The following L3MBTL4 variants were observed in gnomAD, a reference collection of about 807,000 sequenced individuals.
L3MBTL4 encodes the protein L3MBTL histone methyl-lysine binding protein 4.
A neutral mutation model predicts 84.5 loss-of-function variants in L3MBTL4; 70 were observed. The ratio of observed to expected loss-of-function variants is 0.83; its 90% confidence interval spans 0.68 to 1.01. The LOEUF (loss-of-function observed/expected upper bound fraction) is 1.01. L3MBTL4 is among the 50% of genes least tolerant of loss of function. The probability of loss-of-function intolerance (pLI) is 0.00; values close to 1 mark genes in which losing one functional copy is unlikely to be tolerated. For missense variants in L3MBTL4, 715 were observed against 754.8 expected (o/e 0.95, Z 0.62); for synonymous variants, 274 against 259.8 (o/e 1.05, Z -0.52).
At chr18:5,965,246 A>C (rs1017602316) in intron 17 of L3MBTL4, among the ~76,000 whole-genome samples, 1 of 152,194 alleles carries the variant, frequency 6.6e-6, no homozygotes, top group East Asian at 1.9e-4. Context: ...GTAACAAAGG[A>C]GTTAAGAGGC....
At chr18:6,269,879 G>A (rs1271942308) in intron 4 of L3MBTL4, among the ~76,000 whole-genome samples, 1 of 152,186 alleles carries the variant, frequency 6.6e-6, no homozygotes, top group African/African-American at 2.4e-5. Flanking sequence ...GTACTTATCA[G>A]TAATTTTATG....
intron 1 of L3MBTL4, among the ~76,000 whole-genome samples, chr18:6,352,157 C>T (rs2053229976): frequency 6.6e-6 from 1 of 152,134 alleles, no homozygotes; most frequent in Non-Finnish European, 1.5e-5. Context: ...AATGTGGTCA[C>T]TCTCAGCATT....
At chr18:6,041,734 T>TA (rs1224263548) in intron 16 of L3MBTL4, among the ~76,000 whole-genome samples, 2 of 152,138 alleles carry the variant, frequency 1.3e-5, no homozygotes, top group Admixed American at 1.3e-4. Flanking sequence ...ATTCTTCTTT[T>TA]ATTTTTTTTA....
chr18:6,018,609 A>C (rs998119809), intron 16 of L3MBTL4, among the ~76,000 whole-genome samples: 1 of 152,166 alleles, frequency 6.6e-6, no homozygotes, highest in African/African-American at 2.4e-5. Context: ...ATGTTCTAAA[A>C]CAGGGAAAGA....
At chr18:6,123,884 ATGACAG>A (rs1351306326) in intron 14 of L3MBTL4, among the ~76,000 whole-genome samples, 8 of 152,196 alleles carry the variant, frequency 5.3e-5, no homozygotes, top group African/African-American at 1.9e-4. Context: ...AAGTGACGAA[ATGACAG>A]TTTCCATTCC....
intron 1 of L3MBTL4, among the ~76,000 whole-genome samples, chr18:6,312,499 A>C (rs139065445): frequency 8.1e-4 from 123 of 152,200 alleles, no homozygotes; most frequent in African/African-American, 2.6e-3. Context: ...ATTTGCCCAG[A>C]GCTTCCTCTT....
chr18:6,303,759 G>A (rs923016902), intron 3 of L3MBTL4, among the ~76,000 whole-genome samples: 1 of 151,970 alleles, frequency 6.6e-6, no homozygotes, highest in African/African-American at 2.4e-5. Flanking sequence ...CTAAAAAATA[G>A]ACTGCACATT....
At chr18:5,994,060 C>T (rs1442771169) in intron 16 of L3MBTL4, among the ~76,000 whole-genome samples, 3 of 152,136 alleles carry the variant, frequency 2.0e-5, no homozygotes, top group Admixed American at 6.5e-5. Flanking sequence ...TGGTTCATGC[C>T]CCTTTCTCTT....
Position 6,322,456 on chromosome 18 carries a change from TGGAAGGAA to T in L3MBTL4, c.-90-10408_-90-10401del, listed in dbSNP as rs199942673. Among the ~76,000 whole-genome samples, 912 of 102,552 alleles carry T rather than the reference TGGAAGGAA, an allele frequency of 8.9e-3. 1 individual carries two copies. The highest frequency in any genetic ancestry group is 0.029 in the South Asian group (72 of 2,510). The allele number at this position is 102,552 out of a possible 152,430, so 67.3% of individuals were successfully genotyped here. Reference sequence around the variant, plus strand: ...GAGGGAGGAAGGAAAGAAGGAAGGATGGAAGGAAGGAAGGAAGGAAGGAAGGAAGGAAG... The same window carrying T: ...GAGGGAGGAAGGAAAGAAGGAAGGATGGAAGGAAGGAAGGAAGGAAGGAAG... On this transcript the variant is annotated intron_variant, in intron 1 of 18. Coordinates refer to ENST00000317931, the MANE Select transcript of L3MBTL4 (RefSeq NM_001330559.2).
At chr18:6,113,254 A>G (rs1030637847) in intron 14 of L3MBTL4, among the ~76,000 whole-genome samples, 3 of 152,158 alleles carry the variant, frequency 2.0e-5, no homozygotes, top group Non-Finnish European at 4.4e-5. Context: ...TTTGTAGGCA[A>G]CTAACTCATA....
intron 4 of L3MBTL4, among the ~76,000 whole-genome samples, chr18:6,278,822 A>C (rs1397420837): frequency 6.6e-6 from 1 of 151,770 alleles, no homozygotes; most frequent in African/African-American, 2.4e-5. Flanking sequence ...GTTCAAATTA[A>C]TTTCTATAGG....
intron 16 of L3MBTL4, among the ~76,000 whole-genome samples, chr18:6,011,397 T>G (rs2054730454): frequency 6.6e-6 from 1 of 152,180 alleles, no homozygotes; most frequent in Non-Finnish European, 1.5e-5. Flanking sequence ...AGGCCAAAGT[T>G]TCTGTACACA....
In L3MBTL4 at chr18:6,414,669, G is replaced by C. The variant is rs2056121689; in HGVS notation, c.-91+132C>G. The C allele has an allele frequency of 6.6e-6, 1 of 152,000 alleles. No individual in the cohort carries two copies. Among genetic ancestry groups the C allele is most frequent in the Admixed American group, 6.6e-5 (1 of 15,260 alleles). 9.4% of individuals were successfully genotyped at this position (152,000 alleles called of 1,614,324 possible). On this transcript the variant is annotated intron_variant, in intron 1 of 18. Transcript: ENST00000317931. This position sits in a 1 kb window ranked among gnomAD's most constrained non-coding sequence, Gnocchi z 5.4. ...TCCCCAACCGCCACCGCCCCCACCG[G>C]CCCGGCCCTCGCCGCGGGAGTCGTG...
At chr18:6,144,886 G>C (rs529830747) in intron 13 of L3MBTL4, among the ~76,000 whole-genome samples, 1 of 152,152 alleles carries the variant, frequency 6.6e-6, no homozygotes, top group South Asian at 2.1e-4. Context: ...CAAAGGTGTT[G>C]AGGGAAGAAG....
At chr18:6,371,112 G>A (rs935533009) in intron 1 of L3MBTL4, among the ~76,000 whole-genome samples, 3 of 152,180 alleles carry the variant, frequency 2.0e-5, no homozygotes, top group African/African-American at 7.2e-5. Context: ...AGTCCCTGCG[G>A]TAATTACTTA....
intron 3 of L3MBTL4, among the ~76,000 whole-genome samples, chr18:6,306,425 AG>A (rs1386911095): frequency 6.6e-6 from 1 of 152,220 alleles, no homozygotes; most frequent in Non-Finnish European, 1.5e-5. Context: ...AATATAACAA[AG>A]CCTTATAAAT....
At chr18:6,241,684 A>T (rs988547723) in intron 7 of L3MBTL4, among the ~76,000 whole-genome samples, 4 of 152,208 alleles carry the variant, frequency 2.6e-5, no homozygotes, top group African/African-American at 9.6e-5. Context: ...TCACCTTTTT[A>T]AAATGTATTA....
chr18:6,320,750 T>C (rs1045434889), intron 1 of L3MBTL4, among the ~76,000 whole-genome samples: 1 of 152,096 alleles, frequency 6.6e-6, no homozygotes, highest in Non-Finnish European at 1.5e-5. Context: ...AATCCTAAAA[T>C]TCATATGGAA....
intron 12 of L3MBTL4, among the ~76,000 whole-genome samples, chr18:6,185,283 C>T (rs1286985738): frequency 2.0e-5 from 3 of 152,204 alleles, no homozygotes; most frequent in African/African-American, 2.4e-5. Flanking sequence ...AGTGAGGACT[C>T]AAGTGGGAAA....
Sources: allele counts gnomAD v4.1 joint callset (sites outside exome capture counted in the v4.1 genomes callset), GRCh38; gene constraint gnomAD v4.1.1; non-coding constraint Gnocchi (gnomAD v3.1); transcripts MANE v1.5; gene names NCBI Gene and HGNC (gene_info 2026-07-23, HGNC 2026-07-21).